The following TRPC7 variants were observed in gnomAD, a reference collection of about 807,000 sequenced individuals.
TRPC7 encodes transient receptor potential cation channel subfamily C member 7.
Under a neutral mutation model 90.1 loss-of-function variants are expected in TRPC7, and 42 were observed. The ratio of observed to expected loss-of-function variants is 0.47; its 90% CI spans 0.36 to 0.60. The LOEUF (loss-of-function observed/expected upper bound fraction) is 0.60, where lower values mean the gene tolerates loss of function less well. Ranked by LOEUF, TRPC7 falls within the 20% of genes least tolerant of loss-of-function variation. TRPC7 has a pLI of 0.00. For missense variants in TRPC7, 955 were observed against 1,112.3 expected (o/e 0.86, Z 2.01); for synonymous variants, 451 against 436.3 (o/e 1.03, Z -0.42).
At chr5:136,361,168 AAAATGC>A (rs1760556417) in intron 1 of TRPC7, among the ~76,000 whole-genome samples, 1 of 152,196 alleles carries the variant, frequency 6.6e-6, no homozygotes, top group East Asian at 1.9e-4. Flanking sequence ...GAATCTCCCT[AAAATGC>A]AATTGGCATT....
intron 3 of TRPC7, among the ~76,000 whole-genome samples, chr5:136,313,390 T>A (rs1248769928): frequency 1.4e-5 from 2 of 144,074 alleles, no homozygotes; most frequent in African/African-American, 2.7e-5. Flanking sequence ...TATCTATCTA[T>A]CTATCTATCT....
intron 2 of TRPC7, among the ~76,000 whole-genome samples, chr5:136,318,110 A>G (rs1437566619): frequency 2.0e-5 from 3 of 152,206 alleles, no homozygotes; most frequent in Non-Finnish European, 4.4e-5. Flanking sequence ...GAGGAAGAAG[A>G]TGACAGGTAC....
At chr5:136,321,591 G>T (rs1018351657) in intron 2 of TRPC7, among the ~76,000 whole-genome samples, 1 of 152,018 alleles carries the variant, frequency 6.6e-6, no homozygotes, top group Non-Finnish European at 1.5e-5. Flanking sequence ...CTTAAAAACT[G>T]ATAATAAAAA....
intron 2 of TRPC7, among the ~76,000 whole-genome samples, chr5:136,323,181 C>A (rs1457877372): frequency 6.6e-6 from 1 of 152,222 alleles, no homozygotes; most frequent in African/African-American, 2.4e-5. Flanking sequence ...ACTTGGCTCT[C>A]ATTCTTCTCT....
chr5:136,296,891 C>T (rs1758193952), intron 3 of TRPC7, among the ~76,000 whole-genome samples: 2 of 152,192 alleles, frequency 1.3e-5, no homozygotes, highest in South Asian at 4.1e-4. Context: ...TCTTCACAGC[C>T]CACATGCTGG....
At chr5:136,262,259 C>T (rs976774366) in intron 5 of TRPC7, among the ~76,000 whole-genome samples, 1 of 152,162 alleles carries the variant, frequency 6.6e-6, no homozygotes, top group African/African-American at 2.4e-5. Flanking sequence ...GAAAACTCTC[C>T]AAAGGCTGCC....
At chr5:136,226,632 A>G (rs1396319328) in intron 8 of TRPC7, among the ~76,000 whole-genome samples, 2 of 152,226 alleles carry the variant, frequency 1.3e-5, no homozygotes, top group Admixed American at 1.3e-4. Context: ...ACCAGCCACC[A>G]CAGCATTATT....
At chr5:136,342,580 C>T (rs1324026074) in intron 2 of TRPC7, among the ~76,000 whole-genome samples, 3 of 152,178 alleles carry the variant, frequency 2.0e-5, no homozygotes, top group African/African-American at 7.2e-5. Context: ...CTGCCTCAGT[C>T]CCTGGGGCCT....
intron 2 of TRPC7, among the ~76,000 whole-genome samples, chr5:136,335,220 A>T (rs1052001716): frequency 6.6e-6 from 1 of 152,044 alleles, no homozygotes; most frequent in Admixed American, 6.5e-5. Flanking sequence ...CTCAAACTGT[A>T]TTCTAACGAG....
intron 2 of TRPC7, among the ~76,000 whole-genome samples, chr5:136,332,781 C>T (rs1401886828): frequency 1.3e-5 from 2 of 152,196 alleles, no homozygotes; most frequent in African/African-American, 4.8e-5. Context: ...TTAGCAAATA[C>T]TTCCTCTCTC....
intron 7 of TRPC7, among the ~76,000 whole-genome samples, chr5:136,246,693 A>G (rs1756350619): frequency 6.6e-6 from 1 of 152,136 alleles, no homozygotes; most frequent in South Asian, 2.1e-4. Context: ...CTTAGATTGC[A>G]ACTCCCTCAC....
At chr5:136,253,340 C>T (rs1357059894) in intron 5 of TRPC7, among the ~76,000 whole-genome samples, 1 of 151,966 alleles carries the variant, frequency 6.6e-6, no homozygotes, top group Non-Finnish European at 1.5e-5. Flanking sequence ...ACCGGCATAC[C>T]TTGTTTTATT....
chr5:136,251,992 G>A, intron 5 of TRPC7, 110 bp from the exon 6 acceptor site: 1 of 860,798 alleles, frequency 1.2e-6, no homozygotes, highest in Non-Finnish European at 1.8e-6. Flanking sequence ...GCTCTTTGGA[G>A]CTGGGACCGT....
chr5:136,260,032 G>A (rs1580872873), intron 5 of TRPC7, among the ~76,000 whole-genome samples: 1 of 152,204 alleles, frequency 6.6e-6, no homozygotes, highest in African/African-American at 2.4e-5. Context: ...AAAGGAAGAA[G>A]GTATTTCCAG....
At chr5:136,274,924 C>T in intron 3 of TRPC7, 87 bp from the exon 4 acceptor site, 2 of 1,423,154 alleles carry the variant, frequency 1.4e-6, no homozygotes. Context: ...CTAGGAGTAG[C>T]TGGGGGCTGA....
chr5:136,242,829 G>GT (rs1253406606), intron 7 of TRPC7, among the ~76,000 whole-genome samples: 14 of 152,260 alleles, frequency 9.2e-5, no homozygotes, highest in Middle Eastern at 3.4e-3. Flanking sequence ...GAAGTCCCAC[G>GT]TTTAGCCACC....
intron 2 of TRPC7, among the ~76,000 whole-genome samples, chr5:136,321,457 C>T (rs903889906): frequency 2.0e-5 from 3 of 152,140 alleles, no homozygotes; most frequent in African/African-American, 2.4e-5. Context: ...TTAACTCTTA[C>T]GCATCGCAGC....
At chr5:136,313,377 GTCTATCTATCTA>G (rs79202938) in intron 3 of TRPC7, among the ~76,000 whole-genome samples, 1 of 120,572 alleles carries the variant, frequency 8.3e-6, no homozygotes, top group Non-Finnish European at 1.7e-5. Flanking sequence ...GGAGATGTCT[GTCTATCTATCTA>G]TCTATCTATC....
chr5:136,292,019 GA>G (rs1757976754), intron 3 of TRPC7, among the ~76,000 whole-genome samples: 1 of 152,158 alleles, frequency 6.6e-6, no homozygotes, highest in South Asian at 2.1e-4. Flanking sequence ...CATGGAAACT[GA>G]ACAACCTGCT....
Sources: gnomAD v4.1 joint callset for allele counts (sites outside exome capture counted in the v4.1 genomes callset) on GRCh38, gnomAD v4.1.1 for gene constraint, MANE v1.5 for transcripts, NCBI Gene and HGNC (gene_info 2026-07-23, HGNC 2026-07-21) for gene names.